Variants in TMBIM1 observed in about 807,000 individuals in gnomAD.
The protein encoded by TMBIM1 is protein lifeguard 3.
Under a neutral mutation model 45.1 loss-of-function variants are expected in TMBIM1, and 34 were observed. The ratio of observed to expected loss-of-function variants is 0.75; its 90% CI spans 0.57 to 1.00. The LOEUF is 1.00. TMBIM1 is among the 50% of genes least tolerant of loss of function. TMBIM1 has a pLI of 0.00. For synonymous variants in TMBIM1, 157 were observed against 153.5 expected (o/e 1.02, Z -0.17); for missense variants, 374 against 402.4 (o/e 0.93, Z 0.60).
Position 218,275,251 on chromosome 2 carries a change from G to C in TMBIM1, c.*224C>G, listed in dbSNP as rs959475135. On this transcript the variant is annotated 3_prime_UTR_variant, in exon 12 of 12. Transcript: ENST00000258412. The stretch of plus-strand genomic sequence containing the variant: ...AAGACACATCTTCAGCCTAGTCCCT[G>C]CCAAGCCCACCAAGAGCAACAGTTA... 1 of 482,814 alleles carries C rather than the reference G, an allele frequency of 2.1e-6. No individual in the cohort carries two copies. Among genetic ancestry groups the C allele is most frequent in the African/African-American group, 2.0e-5 (1 of 50,310 alleles). 29.9% of individuals were successfully genotyped at this position (482,814 alleles called of 1,614,324 possible). A position where few individuals can be genotyped will look rare whatever the true frequency, so the allele number is the denominator to read the frequency against.
chr2:218,277,530 G>C (rs1401271471), intron 8 of TMBIM1, 77 bp from the exon 9 acceptor site: 1 of 1,605,604 alleles, frequency 6.2e-7, no homozygotes, highest in African/African-American at 1.3e-5. Context: ...CTTCCAGAGG[G>C]GACCTGCCCA....
intron 1 of TMBIM1, chr2:218,287,301 C>T (rs1024701013): frequency 6.6e-6 from 1 of 152,292 alleles, no homozygotes; most frequent in African/African-American, 2.4e-5. Flanking sequence ...TGGAACTTCC[C>T]TTCCCAGCCC....
chr2:218,291,377 C>T (rs954348739), intron 1 of TMBIM1, among the ~76,000 whole-genome samples: 1 of 152,184 alleles, frequency 6.6e-6, no homozygotes, highest in African/African-American at 2.4e-5. Context: ...CCCCAGGAGG[C>T]ACCTGGCTCC....
Position 218,277,103 on chromosome 2 carries a change from C to T in TMBIM1, c.640-4G>A. Reference sequence around the variant, plus strand: ...CTGTGCACGAGGTGAAGTCCACCTGCCAGGAAGCAAGAAAGAGGCACCTGT... The same window carrying T: ...CTGTGCACGAGGTGAAGTCCACCTGTCAGGAAGCAAGAAAGAGGCACCTGT... On this transcript the variant is annotated splice_polypyrimidine_tract_variant and splice_region_variant and intron_variant, in intron 9 of 11. Transcript: ENST00000258412. The T allele has an allele frequency of 6.2e-7, 1 of 1,613,622 alleles. No individual in the cohort carries two copies. Among genetic ancestry groups the T allele is most frequent in the Non-Finnish European group, 8.5e-7 (1 of 1,179,600 alleles).
chr2:218,281,835 G>A lies in TMBIM1; in HGVS notation c.202+105C>T. The A allele has an allele frequency of 3.3e-6, 3 of 915,222 alleles. No individual in the cohort carries two copies. The Admixed American group carries it at 7.2e-5, about 22-fold the overall frequency. 56.7% of individuals were successfully genotyped at this position (915,222 alleles called of 1,614,324 possible). On this transcript the variant is annotated intron_variant, in intron 2 of 11. Coordinates refer to ENST00000258412, the MANE Select transcript of TMBIM1 (RefSeq NM_022152.6). ...GATCTCAACAGAGAAGATGAGAAAG[G>A]GATTTAAGGGAAACTAGAAGAGAAA...
chr2:218,278,182 G>T (rs1346597797), intron 6 of TMBIM1: 2 of 621,932 alleles, frequency 3.2e-6, no homozygotes, highest in Non-Finnish European at 5.6e-6. Flanking sequence ...TGTGGCGCCA[G>T]AAACACCTGG....
chr2:218,276,822 A>G (rs1691261722), intron 10 of TMBIM1, among the ~76,000 whole-genome samples, 182 bp downstream of exon 10: 1 of 152,062 alleles, frequency 6.6e-6, no homozygotes, highest in South Asian at 2.1e-4. Context: ...CCATCTCCAC[A>G]CAGAGAGTCT....
intron 1 of TMBIM1, among the ~76,000 whole-genome samples, chr2:218,290,952 C>T (rs1692892213): frequency 1.3e-5 from 2 of 152,154 alleles, no homozygotes; most frequent in African/African-American, 4.8e-5. Flanking sequence ...TCTGGTCGTC[C>T]CAGTTCAGCC....
chr2:218,278,449 CA>C, intron 6 of TMBIM1, 65 bp downstream of exon 6: 1 of 1,523,154 alleles, frequency 6.6e-7, no homozygotes, highest in Non-Finnish European at 9.1e-7. Flanking sequence ...TCCTTCTTTC[CA>C]AAATACTCGG....
rs1691101117 is a variant in TMBIM1, at chr2:218,275,528, CTG to C, written c.881_882del (p.Thr294ArgfsTer35). 1 of 1,614,152 alleles carries C rather than the reference CTG, an allele frequency of 6.2e-7. No homozygotes were observed. The highest frequency in any genetic ancestry group is 1.1e-5 in the South Asian group (1 of 91,086). On this transcript the variant is annotated frameshift_variant, in exon 12 of 12. Transcript: ENST00000258412. LOFTEE classifies it high-confidence loss of function. The stretch of plus-strand genomic sequence containing the variant: ...ACAAAGGTGAAGATGTAGATGATGT[CTG>C]TGTAAATCTGCAGGGCGCCAGTGAT... ...DYITGALQIY[T>X]DIIYIFTFVL... is the part of the protein sequence containing the mutation.
intron 5 of TMBIM1, among the ~76,000 whole-genome samples, 160 bp from the exon 6 acceptor site, chr2:218,278,725 G>A (rs527486900): frequency 6.6e-6 from 1 of 152,336 alleles, no homozygotes; most frequent in South Asian, 2.1e-4. Flanking sequence ...CAGGGTCACT[G>A]AGATGCTCTG....
At chr2:218,279,975 C>T in intron 3 of TMBIM1, 51 bp downstream of exon 3, 1 of 1,437,074 alleles carries the variant, frequency 7.0e-7, no homozygotes, top group Non-Finnish European at 9.8e-7. Flanking sequence ...ACTTCCCATT[C>T]CCACAGCCTG....
chr2:218,285,393 C>T (rs1692421981), intron 1 of TMBIM1, among the ~76,000 whole-genome samples: 1 of 152,214 alleles, frequency 6.6e-6, no homozygotes, highest in Admixed American at 6.5e-5. Context: ...TCACTTCTGC[C>T]ATAGCTTCCA....
chr2:218,279,981 G>A, intron 3 of TMBIM1, 45 bp downstream of exon 3: 2 of 1,496,986 alleles, frequency 1.3e-6, no homozygotes, highest in Non-Finnish European at 1.9e-6. Flanking sequence ...CATTCCCACA[G>A]CCTGAGGGGC....
chr2:218,280,361 T>G lies in TMBIM1; in HGVS notation c.203-235A>C. ...CTCACGTGCATCTGTGGAGGGCTCC[T>G]GTGTGCCCAGCCCACGCCACTGGGG... On this transcript the variant is annotated intron_variant, in intron 2 of 11. Transcript: ENST00000258412. 6.4e-6 allele frequency: 3 copies of G among 469,450 alleles called. No individual in the cohort carries two copies. In the East Asian group the frequency reaches 1.3e-4, roughly 20 times the overall value. The allele number at this position is 469,450 out of a possible 1,614,324, so 29.1% of individuals were successfully genotyped here.
At chr2:218,278,407 T>C in intron 6 of TMBIM1, 108 bp downstream of exon 6, 1 of 1,169,390 alleles carries the variant, frequency 8.6e-7, no homozygotes, top group Non-Finnish European at 1.3e-6. Flanking sequence ...TCCTCATTTC[T>C]TGTAAGTTTC....
At chr2:218,278,798 A>G (rs1041934166) in intron 5 of TMBIM1, among the ~76,000 whole-genome samples, 22 of 152,344 alleles carry the variant, frequency 1.4e-4, no homozygotes, top group East Asian at 1.9e-4. Flanking sequence ...CTGAGAGGAC[A>G]TGGGGGCTGC....
chr2:218,283,330 G>A (rs888433049), intron 1 of TMBIM1, among the ~76,000 whole-genome samples: 1 of 152,226 alleles, frequency 6.6e-6, no homozygotes, highest in Admixed American at 6.5e-5. Context: ...CCAGGACGGA[G>A]GCCTTCCAGA....
chr2:218,279,788 A>AT (rs1465309063), intron 3 of TMBIM1, among the ~76,000 whole-genome samples: 5 of 152,126 alleles, frequency 3.3e-5, no homozygotes, highest in African/African-American at 7.2e-5. Context: ...CACCTAGGAG[A>AT]TTCTCCCAGA....
Sources: allele counts gnomAD v4.1 joint callset (sites outside exome capture counted in the v4.1 genomes callset), GRCh38; gene constraint gnomAD v4.1.1; transcripts MANE v1.5; gene names NCBI Gene and HGNC (gene_info 2026-07-23, HGNC 2026-07-21).